Variants in MCM3AP observed in about 807,000 individuals in gnomAD.
MCM3AP encodes the protein minichromosome maintenance complex component 3 associated protein.
Under a neutral mutation model 184.1 loss-of-function variants are expected in MCM3AP, and 126 were observed. The observed-to-expected ratio is 0.68, with a 90% CI of 0.59 to 0.79. The LOEUF is 0.79. MCM3AP is among the 30% of genes least tolerant of loss of function. The pLI, the probability that MCM3AP is intolerant of heterozygous loss-of-function variation, is 0.00. For synonymous variants in MCM3AP, 1,002 were observed against 979.3 expected, an observed-to-expected ratio of 1.02 and a Z score of -0.43; for missense variants, 2,496 against 2,479.2, an observed-to-expected ratio of 1.01 and a Z score of -0.14.
chr21:46,243,217 G>T (rs192635553), intron 24 of MCM3AP, among the ~76,000 whole-genome samples: 1 of 152,112 alleles, frequency 6.6e-6, no homozygotes, highest in Admixed American at 6.5e-5. Context: ...CTACTCAAAA[G>T]CCACAAAATC....
chr21:46,258,358 C>A lies in MCM3AP; in HGVS notation c.3734+581G>T, dbSNP rs542683944. Among the ~76,000 whole-genome samples the A allele has an allele frequency of 4.6e-5, 7 of 152,276 alleles. No homozygotes were observed. The South Asian group carries it at 1.2e-3, about 27-fold the overall frequency. ...TATAAGATTAATAAATCATCAAGCA[C>A]CTGTGCACTTACACCCAGTTGAGAA... On this transcript the variant is annotated intron_variant, in intron 16 of 27. Transcript: ENST00000291688.
At position 46,280,135 on chromosome 21, in the gene MCM3AP, G is replaced by C; in HGVS notation, c.1525C>G (p.Pro509Ala). 6.2e-7 allele frequency: 1 copy of C among 1,614,026 alleles called. No individual in the cohort carries two copies. The highest frequency in any genetic ancestry group is 8.5e-7 in the Non-Finnish European group (1 of 1,179,988). ...TTCAGGGAAAAGGGTTTCTTATTGG[G>C]GCCTGTGGACATAGGAGGCAGAAAA... The part of the protein sequence containing the change: ...AIFWHRKKIS[P>A]NKKPFSLKEK... Residue 509 changes from proline (P) to alanine (A), a missense_variant and splice_region_variant, in exon 4 of 28, where the codon CCC becomes GCC. Transcript: ENST00000291688.
chr21:46,251,399 T>C lies in MCM3AP; in HGVS notation c.4290+130A>G, dbSNP rs1226419801. 5.5e-6 allele frequency: 4 copies of C among 724,548 alleles called. No homozygotes were observed. In the East Asian group the frequency reaches 1.1e-4, roughly 20 times the overall value. 44.9% of individuals were successfully genotyped at this position (724,548 alleles called of 1,614,324 possible). On this transcript the variant is annotated intron_variant, in intron 20 of 27. Transcript: ENST00000291688. ...GACATGTACGGACAGACATAATACT[T>C]GCTTCTGAGCCTCCCAGTCTTTCAA...
intron 14 of MCM3AP, 82 bp downstream of exon 14, chr21:46,261,198 C>T: frequency 6.5e-7 from 1 of 1,531,136 alleles, no homozygotes; most frequent in South Asian, 1.2e-5. Context: ...TGGACAATAG[C>T]AGGAGCATCG....
chr21:46,251,479 A>C lies in MCM3AP; in HGVS notation c.4290+50T>G, dbSNP rs1265942366. The C allele has an allele frequency of 2.0e-6, 3 of 1,481,890 alleles. No homozygotes were observed. In the South Asian group the frequency reaches 3.6e-5, roughly 18 times the overall value. The allele number at this position is 1,481,890 out of a possible 1,614,324, so 91.8% of individuals were successfully genotyped here. On this transcript the variant is annotated intron_variant, in intron 20 of 27. Coordinates refer to ENST00000291688, the MANE Select transcript of MCM3AP (RefSeq NM_003906.5). ...ATGGTTCCAGTGATATCTGGGAGTA[A>C]GTGAAAGTAATGAAAACACAGAAGT...
Position 46,272,598 on chromosome 21 carries a change from T to C in MCM3AP, c.2428A>G (p.Asn810Asp). 6.2e-7 allele frequency: 1 copy of C among 1,614,182 alleles called. No homozygotes were observed. Among genetic ancestry groups the C allele is most frequent in the East Asian group, 2.2e-5 (1 of 44,882 alleles). The change falls in exon 8 of 28, where the codon AAT (asparagine) becomes GAT (aspartate). Residue 810 changes from asparagine to aspartate, a missense_variant. Physicochemically the swap from Asn to Asp is conservative, Grantham distance 23. Transcript: ENST00000291688. ...CASEAEFQGY[N>D]VLLSLNKGDI... ...CCCTTGTTGAGACTGAGCAGAACAT[T>C]GTAGCCCTGGAACTCCGCTTCGCTG...
rs1263241017 is a variant in MCM3AP, at chr21:46,270,547, G to A, written c.2482C>T (p.His828Tyr). Reference sequence around the variant, plus strand: ...TCAGATGAGTTTCTAACAGCAGGATGGAACTGTTGTACTTCTCTGTTAATT... The same window carrying A: ...TCAGATGAGTTTCTAACAGCAGGATAGAACTGTTGTACTTCTCTGTTAATT... Reference protein sequence around the residue: ...GDILREVQQFHPAVRNSSEVK... With the variant: ...GDILREVQQFYPAVRNSSEVK... The change falls in exon 9 of 28, where the codon CAT (histidine) becomes TAT (tyrosine). Residue 828 changes from histidine (H) to tyrosine (Y), a missense_variant. By Grantham distance (83) the His-to-Tyr change is moderately conservative. Around this residue, in one of 5 missense-constraint regions of MCM3AP, gnomAD observed 138 missense variants for 191.9 expected, o/e 0.72. Transcript: ENST00000291688. 6.2e-7 allele frequency: 1 copy of A among 1,609,942 alleles called. No individual in the cohort carries two copies. The highest frequency in any genetic ancestry group is 1.3e-5 in the African/African-American group (1 of 74,726).
At position 46,285,579 on chromosome 21, in the gene MCM3AP, G is replaced by T; in HGVS notation, c.-293C>A. The T allele has an allele frequency of 3.2e-6, 1 of 313,874 alleles. No homozygotes were observed. 19.4% of individuals were successfully genotyped at this position (313,874 alleles called of 1,614,324 possible). A position where few individuals can be genotyped will look rare whatever the true frequency, so the allele number is the denominator to read the frequency against. On this transcript the variant is annotated 5_prime_UTR_variant, in exon 1 of 28. Coordinates refer to ENST00000291688, the MANE Select transcript of MCM3AP (RefSeq NM_003906.5). ...AGAGAGTGGTACAAATAATTACTTT[G>T]TTACAGAGGTTTAAAGCGTGATCCT...
chr21:46,265,849 G>A (rs2081104686), intron 11 of MCM3AP, 76 bp downstream of exon 11: 1 of 1,487,630 alleles, frequency 6.7e-7, no homozygotes, highest in Non-Finnish European at 9.0e-7. Flanking sequence ...AGAAAATGCA[G>A]ATGCCCAGGC....
chr21:46,271,608 C>T (rs567941902), intron 8 of MCM3AP, among the ~76,000 whole-genome samples: 16 of 151,960 alleles, frequency 1.1e-4, no homozygotes, highest in Non-Finnish European at 2.1e-4. Context: ...ACTGTAATCC[C>T]AGCACTTTGG....
intron 19 of MCM3AP, chr21:46,253,880 T>C (rs1423376376): frequency 6.0e-6 from 1 of 167,134 alleles, no homozygotes; most frequent in Admixed American, 5.7e-5. Flanking sequence ...GCTGTTCTCA[T>C]TACAGTGAGC....
chr21:46,276,016 C>A (rs1295832601), intron 5 of MCM3AP, among the ~76,000 whole-genome samples: 1 of 152,128 alleles, frequency 6.6e-6, no homozygotes, highest in African/African-American at 2.4e-5. Flanking sequence ...CTTTGGGAGG[C>A]CAAGACTGGC....
intron 8 of MCM3AP, among the ~76,000 whole-genome samples, chr21:46,271,120 T>C (rs1038346880): frequency 4.6e-5 from 7 of 152,064 alleles, no homozygotes; most frequent in African/African-American, 1.7e-4. Flanking sequence ...CAAATGCTTG[T>C]CACGTAGAAA....
rs780672309 is a variant in MCM3AP, at chr21:46,235,361, T to C, written c.5850A>G (p.Leu1950=). Reference sequence around the variant, plus strand: ...TCCGGATCAGCCTTTCCAGGTGCTTTAGTCGTTCGCCTAGACACGTTCCTG... The same window carrying C: ...TCCGGATCAGCCTTTCCAGGTGCTTCAGTCGTTCGCCTAGACACGTTCCTG... The part of the protein sequence containing the change: ...EATGTCLGER[L]KHLERLIRSS... Residue 1950 remains leucine (L), a synonymous_variant, in exon 28 of 28, where the codon CTA becomes CTG. Transcript: ENST00000291688. 6.2e-7 allele frequency: 1 copy of C among 1,614,188 alleles called. No individual in the cohort carries two copies. The highest frequency in any genetic ancestry group is 8.5e-7 in the Non-Finnish European group (1 of 1,180,020).
intron 2 of MCM3AP, among the ~76,000 whole-genome samples, chr21:46,281,483 C>T (rs1187975437): frequency 6.6e-6 from 1 of 152,068 alleles, no homozygotes; most frequent in Non-Finnish European, 1.5e-5. Flanking sequence ...ATTTAAGGTT[C>T]AGCTGGGAAA....
chr21:46,245,944 TA>T (rs1454933859), intron 22 of MCM3AP, among the ~76,000 whole-genome samples: 2 of 152,244 alleles, frequency 1.3e-5, no homozygotes, highest in Non-Finnish European at 2.9e-5. Context: ...ACAAAAACAC[TA>T]AAAAATTTTA....
chr21:46,268,337 C>T (rs2081138976), intron 9 of MCM3AP, among the ~76,000 whole-genome samples: 1 of 152,240 alleles, frequency 6.6e-6, no homozygotes, highest in Non-Finnish European at 1.5e-5. Flanking sequence ...TCAACCAACA[C>T]TGATCAAGCA....
At chr21:46,259,641 G>A (rs2081014114) in intron 15 of MCM3AP, among the ~76,000 whole-genome samples, 1 of 151,852 alleles carries the variant, frequency 6.6e-6, no homozygotes, top group Non-Finnish European at 1.5e-5. Flanking sequence ...GGCCAGGCAC[G>A]GTGGCTCATG....
In MCM3AP at chr21:46,255,535, G is replaced by A. The variant is rs572281820; in HGVS notation, c.3933-691C>T. ...AGAACTGCCATGCCCTCGGTGCTGGGTCTGAGAGAGATGCAAGCCCAGGTT... is the reference window on the plus strand; with the variant it reads ...AGAACTGCCATGCCCTCGGTGCTGGATCTGAGAGAGATGCAAGCCCAGGTT... On this transcript the variant is annotated intron_variant, in intron 17 of 27. Transcript: ENST00000291688. Among the ~76,000 whole-genome samples the A allele has an allele frequency of 1.2e-4, 19 of 152,280 alleles. No homozygotes were observed. The South Asian group carries it at 3.7e-3, about 30-fold the overall frequency.
Sources: gnomAD v4.1 joint callset for allele counts (sites outside exome capture counted in the v4.1 genomes callset) on GRCh38, gnomAD v4.1.1 for gene constraint, gnomAD v4.1.1 regional missense constraint, MANE v1.5 for transcripts, NCBI Gene and HGNC (gene_info 2026-07-23, HGNC 2026-07-21) for gene names.